Variants in TEX11 observed in about 807,000 individuals in gnomAD.
TEX11 encodes the protein testis-expressed protein 11.
A neutral mutation model predicts 84.4 loss-of-function variants in TEX11; 7 were observed. That is an observed-to-expected ratio of 0.08 (90% CI 0.05 to 0.16). TEX11 has a LOEUF of 0.16. Among genes scored for constraint, TEX11 ranks in the 10% least tolerant of loss-of-function variants. TEX11 has a pLI of 1.00. For missense variants in TEX11, 551 were observed against 660.5 expected, an observed-to-expected ratio of 0.83 and a Z score of 1.82; for synonymous variants, 264 against 222.8, an observed-to-expected ratio of 1.18 and a Z score of -1.64.
At chrX:70,643,576 T>C (rs2089694567) in intron 17 of TEX11, among the ~76,000 whole-genome samples, 2 of 106,711 alleles carry the variant, frequency 1.9e-5, no homozygotes, top group African/African-American at 3.5e-5. Flanking sequence ...AACAGAGATA[T>C]AGATCAATGG....
intron 1 of TEX11, among the ~76,000 whole-genome samples, chrX:70,908,433 C>A (rs1033962133): frequency 1.8e-5 from 2 of 111,215 alleles, no homozygotes; most frequent in Non-Finnish European, 3.8e-5. Context: ...GGCCCACCAC[C>A]GCTCCCCATA....
At chrX:70,730,294 G>C (rs182800754) in intron 11 of TEX11, among the ~76,000 whole-genome samples, 1 of 111,529 alleles carries the variant, frequency 9.0e-6, no homozygotes, top group Non-Finnish European at 1.9e-5. Context: ...TCAAATTCAC[G>C]CATAACAACA....
intron 13 of TEX11, among the ~76,000 whole-genome samples, chrX:70,712,688 G>C (rs1490493321): frequency 9.0e-6 from 1 of 110,798 alleles, no homozygotes; most frequent in African/African-American, 3.3e-5. Flanking sequence ...AGGAGATTTT[G>C]GGCTGAGATG....
the TEX11 span, among the ~76,000 whole-genome samples, chrX:70,514,400 T>C: frequency 9.1e-6 from 1 of 109,711 alleles, no homozygotes; most frequent in Non-Finnish European, 1.9e-5. Context: ...ATCAAGACCA[T>C]CTTGGCCAAC....
rs938927573 is a variant in TEX11, at chrX:70,605,803, T to C, written c.1951-286A>G. Among the ~76,000 whole-genome samples, 11 of 112,197 alleles carry C rather than the reference T, an allele frequency of 9.8e-5. No homozygotes were observed. In the Admixed American group the frequency reaches 1.0e-3, roughly 11 times the overall value. On this transcript the variant is annotated intron_variant, in intron 23 of 29. Coordinates refer to ENST00000374333, the MANE Select transcript of TEX11 (RefSeq NM_031276.3). ...TATCATTCGCCCTTGTATTTCTATC[T>C]AGTGATTTACTTCTTGGTTTATGTT... is the stretch of plus-strand genomic sequence containing the variant.
chrX:70,768,543 G>A (rs940673182), intron 9 of TEX11, among the ~76,000 whole-genome samples: 1 of 106,002 alleles, frequency 9.4e-6, no homozygotes, highest in African/African-American at 3.9e-5. Flanking sequence ...TACAGTCATG[G>A]CAGAAATAGA....
intron 9 of TEX11, among the ~76,000 whole-genome samples, chrX:70,801,673 CTTTCTTTCTTTCTT>C (rs2091189902): frequency 4.8e-5 from 2 of 41,913 alleles, no homozygotes; most frequent in Non-Finnish European, 9.4e-5. Context: ...TTCTTTCTTT[CTTTCTTTCTTTCTT>C]CTCTCTTTCT....
intron 25 of TEX11, among the ~76,000 whole-genome samples, chrX:70,567,784 G>A (rs1030603086): frequency 6.3e-5 from 7 of 111,334 alleles, no homozygotes; most frequent in Non-Finnish European, 9.4e-5. Context: ...TTGTTATAAT[G>A]TTTGTTCTTT....
chrX:70,603,209 G>A (rs1261455563), intron 24 of TEX11, among the ~76,000 whole-genome samples: 5 of 89,949 alleles, frequency 5.6e-5, no homozygotes, highest in African/African-American at 1.2e-4. Flanking sequence ...CTACTTTAAA[G>A]TTCATATGGA....
At chrX:70,864,131 G>A in intron 4 of TEX11, among the ~76,000 whole-genome samples, 1 of 111,584 alleles carries the variant, frequency 9.0e-6, no homozygotes, top group South Asian at 3.8e-4. Flanking sequence ...AAGTGACAGG[G>A]AGAATGGAAC....
At chrX:70,570,233 G>T (rs2088572046) in intron 25 of TEX11, among the ~76,000 whole-genome samples, 1 of 112,275 alleles carries the variant, frequency 8.9e-6, no homozygotes, top group African/African-American at 3.2e-5. Context: ...TAATCTCCTG[G>T]TGCGCCATTT....
At chrX:70,898,246 T>A (rs142132855) in intron 2 of TEX11, among the ~76,000 whole-genome samples, 4,567 of 111,465 alleles carry the variant, frequency 0.041, 124 homozygotes, top group South Asian at 0.16. Context: ...AATTATAATA[T>A]AATGTAATAA....
At chrX:70,828,351 A>G (rs2091358273) in intron 8 of TEX11, among the ~76,000 whole-genome samples, 1 of 110,828 alleles carries the variant, frequency 9.0e-6, no homozygotes, top group Non-Finnish European at 1.9e-5. Context: ...TAACACAAAG[A>G]AGGAATTCAG....
At chrX:70,790,751 A>T (rs1044264676) in intron 9 of TEX11, among the ~76,000 whole-genome samples, 33 of 111,780 alleles carry the variant, frequency 3.0e-4, no homozygotes, top group African/African-American at 9.4e-4. Context: ...CATAGCCTCC[A>T]CTGCCCTGCC....
intron 8 of TEX11, among the ~76,000 whole-genome samples, chrX:70,815,874 C>A (rs1358330035): frequency 1.8e-5 from 2 of 111,952 alleles, no homozygotes; most frequent in East Asian, 5.5e-4. Flanking sequence ...TAGGACTTCA[C>A]AAAATCATCT....
chrX:70,891,099 G>C (rs1488360125), intron 2 of TEX11, among the ~76,000 whole-genome samples: 1 of 112,192 alleles, frequency 8.9e-6, no homozygotes, highest in African/African-American at 3.2e-5. Context: ...GGTCTGGAGT[G>C]GACCTCCAGC....
intron 10 of TEX11, among the ~76,000 whole-genome samples, chrX:70,741,555 C>A (rs2090734240): frequency 9.0e-6 from 1 of 111,383 alleles, no homozygotes; most frequent in African/African-American, 3.3e-5. Context: ...AAGCTGTACA[C>A]TTGAGACTTG....
At chrX:70,518,563 T>G in the TEX11 span, among the ~76,000 whole-genome samples, 3 of 112,170 alleles carry the variant, frequency 2.7e-5, no homozygotes, top group East Asian at 5.6e-4. Flanking sequence ...AATTTTGGAA[T>G]AAGTGAGATG....
At chrX:70,824,120 C>T (rs2091332568) in intron 8 of TEX11, among the ~76,000 whole-genome samples, 1 of 111,761 alleles carries the variant, frequency 8.9e-6, no homozygotes, top group Non-Finnish European at 1.9e-5. Context: ...AACTATAAAC[C>T]TCGACAGAAT....
Sources: allele counts gnomAD v4.1 joint callset (sites outside exome capture counted in the v4.1 genomes callset), GRCh38; gene constraint gnomAD v4.1.1; transcripts MANE v1.5; gene names NCBI Gene and HGNC (gene_info 2026-07-23, HGNC 2026-07-21).